The following UBAP2L variants were observed in gnomAD, a reference collection of about 807,000 sequenced individuals.
UBAP2L encodes ubiquitin associated protein 2 like, also known as ubiquitin-associated protein 2-like.
In UBAP2L, 12 loss-of-function variants were observed where a neutral mutation model predicts 130.6. The ratio of observed to expected loss-of-function variants is 0.09; its 90% CI spans 0.06 to 0.15. UBAP2L has a LOEUF of 0.15. Among genes scored for constraint, UBAP2L ranks in the 10% least tolerant of loss-of-function variants. The pLI is 1.00. For synonymous variants in UBAP2L, 503 were observed against 524.7 expected (o/e 0.96, Z 0.57); for missense variants, 965 against 1,332.5 (o/e 0.72, Z 4.29).
chr1:154,253,739 G>A (rs112972087), intron 14 of UBAP2L, among the ~76,000 whole-genome samples, 161 bp from the exon 15 acceptor site: 4 of 152,224 alleles, frequency 2.6e-5, no homozygotes, highest in African/African-American at 9.6e-5. Context: ...GATTCCTAGT[G>A]TTATCAGGAG....
intron 24 of UBAP2L, chr1:154,263,593 A>T: frequency 1.2e-6 from 1 of 838,210 alleles, no homozygotes; most frequent in Non-Finnish European, 1.4e-6. Context: ...CTTTTTAATC[A>T]AACCCCAGCA....
At chr1:154,235,948 T>A (rs761516194) in intron 6 of UBAP2L, among the ~76,000 whole-genome samples, 84 of 152,244 alleles carry the variant, frequency 5.5e-4, no homozygotes, top group African/African-American at 2.0e-3. Flanking sequence ...TCTAGTTAGT[T>A]AATTCCTGAG....
At chr1:154,270,118 C>A in intron 26 of UBAP2L, 82 bp from the exon 27 acceptor site, 1 of 1,484,938 alleles carries the variant, frequency 6.7e-7, no homozygotes, top group Non-Finnish European at 9.0e-7. Context: ...ACAGTTTGCA[C>A]ATCTCCACCT....
intron 25 of UBAP2L, among the ~76,000 whole-genome samples, chr1:154,267,878 G>GTTTT (rs1558238296): frequency 1.6e-5 from 1 of 62,732 alleles, no homozygotes; most frequent in Non-Finnish European, 3.7e-5. Flanking sequence ...CTCTTATTTG[G>GTTTT]TCTTTTTTTT....
intron 4 of UBAP2L, among the ~76,000 whole-genome samples, chr1:154,231,413 ACCTCAG>A (rs1450376903): frequency 6.7e-6 from 1 of 148,294 alleles, no homozygotes; most frequent in Non-Finnish European, 1.5e-5. Context: ...CGTTTTTCCC[ACCTCAG>A]CCTCCCAAGC....
chr1:154,263,839 AAG>A (rs1165982824), intron 24 of UBAP2L, among the ~76,000 whole-genome samples: 5 of 152,200 alleles, frequency 3.3e-5, no homozygotes, highest in Non-Finnish European at 5.9e-5. Context: ...TGAAAGGCAA[AAG>A]AGAGAGTTTT....
intron 4 of UBAP2L, among the ~76,000 whole-genome samples, chr1:154,233,497 G>A (rs1350274348): frequency 1.3e-5 from 2 of 151,568 alleles, no homozygotes; most frequent in Non-Finnish European, 2.9e-5. Flanking sequence ...GCTGATTTTT[G>A]TATTTTTAGT....
intron 20 of UBAP2L, 96 bp from the exon 21 acceptor site, chr1:154,258,881 G>A (rs1217272803): frequency 4.1e-6 from 4 of 976,808 alleles, no homozygotes; most frequent in African/African-American, 1.6e-5. Flanking sequence ...CCCAGAATGA[G>A]GATGAATGTT....
Position 154,228,742 on chromosome 1 carries a change from G to C in UBAP2L, c.279+17G>C. 6.3e-7 allele frequency: 1 copy of C among 1,593,164 alleles called. No individual in the cohort carries two copies. On this transcript the variant is annotated intron_variant, in intron 4 of 26. Transcript: ENST00000428931. ...CCAGACACGGTAGAGTGCTTATAGA[G>C]TGTTCTAGGACATGGGTCCTCAATT...
chr1:154,264,623 A>G (rs759070040), intron 24 of UBAP2L, among the ~76,000 whole-genome samples: 6 of 152,212 alleles, frequency 3.9e-5, no homozygotes, highest in Non-Finnish European at 8.8e-5. Flanking sequence ...GAATGAGATC[A>G]GGTAGGGGCA....
intron 25 of UBAP2L, among the ~76,000 whole-genome samples, chr1:154,267,802 C>T (rs12566324): frequency 2.1e-5 from 3 of 144,772 alleles, no homozygotes; most frequent in African/African-American, 7.7e-5. Flanking sequence ...GCCTGGAGTT[C>T]TAAGTTCGGA....
Position 154,254,886 on chromosome 1 carries a change from T to A in UBAP2L, c.1905T>A (p.Val635=), listed in dbSNP as rs1252935118. 2 of 1,601,086 alleles carry A rather than the reference T, an allele frequency of 1.2e-6. No homozygotes were observed. Among genetic ancestry groups the A allele is most frequent in the Admixed American group, 3.5e-5 (2 of 56,564 alleles). The part of the protein sequence containing the change: ...QATQLQTTQS[V]EGATGSAVKS... ...CGCAGTTACAGACCACACAATCTGT[T>A]GAAGGTGAGTGTTCTTCAGGCTTTT... Residue 635 remains valine, a synonymous_variant, in exon 16 of 27, where the codon GTT becomes GTA. Transcript: ENST00000428931.
chr1:154,227,547 T>TG (rs1282301577), intron 3 of UBAP2L, among the ~76,000 whole-genome samples, 188 bp downstream of exon 3: 2 of 148,360 alleles, frequency 1.3e-5, no homozygotes, highest in Non-Finnish European at 1.5e-5. Flanking sequence ...CCCTTTGTTT[T>TG]GTTTTTTGTT....
intron 8 of UBAP2L, among the ~76,000 whole-genome samples, chr1:154,240,945 C>CCA (rs1553267160): frequency 1.7e-5 from 2 of 118,324 alleles, no homozygotes; most frequent in African/African-American, 6.3e-5. Context: ...TCCCCCCCCC[C>CCA]ACCCCCATTC....
chr1:154,243,735 A>G (rs1378883753), intron 10 of UBAP2L, among the ~76,000 whole-genome samples: 1 of 152,110 alleles, frequency 6.6e-6, no homozygotes. Flanking sequence ...TGCTGGGATT[A>G]CAGGCATGAA....
At chr1:154,261,943 A>G (rs552447659) in intron 24 of UBAP2L, among the ~76,000 whole-genome samples, 6 of 152,272 alleles carry the variant, frequency 3.9e-5, no homozygotes, top group African/African-American at 1.4e-4. Flanking sequence ...TTTTTAGAAT[A>G]TGTTGGTTGG....
chr1:154,256,464 T>G (rs1267248426), intron 18 of UBAP2L, among the ~76,000 whole-genome samples: 1 of 152,100 alleles, frequency 6.6e-6, no homozygotes, highest in African/African-American at 2.4e-5. Context: ...TAGTGAGACC[T>G]CATCTCCATA....
At chr1:154,235,857 C>G (rs956663462) in intron 6 of UBAP2L, among the ~76,000 whole-genome samples, 1 of 151,758 alleles carries the variant, frequency 6.6e-6, no homozygotes, top group African/African-American at 2.4e-5. Flanking sequence ...TGCTTGGCCT[C>G]TCCAAGTGCT....
At chr1:154,263,287 G>A in intron 24 of UBAP2L, 1 of 1,482,862 alleles carries the variant, frequency 6.7e-7, no homozygotes, top group East Asian at 2.6e-5. Context: ...AAATGAGTTG[G>A]TGGATACCTT....
Sources: allele counts gnomAD v4.1 joint callset (sites outside exome capture counted in the v4.1 genomes callset), GRCh38; gene constraint gnomAD v4.1.1; transcripts MANE v1.5; gene names NCBI Gene and HGNC (gene_info 2026-07-23, HGNC 2026-07-21).